The following MOSMO variants were observed in gnomAD, a reference collection of about 807,000 sequenced individuals.
MOSMO encodes the protein modulator of smoothened protein.
In MOSMO, 5 loss-of-function variants were observed where a neutral mutation model predicts 18.4. The observed-to-expected ratio is 0.27, with a 90% CI of 0.14 to 0.57. MOSMO has a LOEUF of 0.57. MOSMO is among the 20% of genes least tolerant of loss of function. The probability of loss-of-function intolerance (pLI) is 0.92; values close to 1 mark genes in which losing one functional copy is unlikely to be tolerated. For missense variants in MOSMO, 138 were observed against 211.8 expected, an observed-to-expected ratio of 0.65 and a Z score of 2.16; for synonymous variants, 82 against 82.3, an observed-to-expected ratio of 1.00 and a Z score of 0.02.
At chr16:22,092,021 G>T (rs1901344302), downstream of MOSMO, among the ~76,000 whole-genome samples, 1 of 152,192 alleles carries the variant, frequency 6.6e-6, no homozygotes, top group South Asian at 2.1e-4. Context: ...TGATTCTCAT[G>T]GGCATCCGGG....
At chr16:22,058,904 A>C (rs906810865) in intron 1 of MOSMO, among the ~76,000 whole-genome samples, 1 of 152,220 alleles carries the variant, frequency 6.6e-6, no homozygotes, top group Non-Finnish European at 1.5e-5. Context: ...CCTAGGAAGA[A>C]TATGGAGTGA....
intron 2 of MOSMO, among the ~76,000 whole-genome samples, chr16:22,079,680 T>C (rs1373852735): frequency 6.6e-6 from 1 of 152,254 alleles, no homozygotes; most frequent in Non-Finnish European, 1.5e-5. Flanking sequence ...GACAGAGATT[T>C]TATTTTTTGG....
chr16:22,081,039 T>A lies in MOSMO; in HGVS notation c.*159T>A. On this transcript the variant is annotated 3_prime_UTR_variant, in exon 3 of 3. Coordinates refer to ENST00000542527, the MANE Select transcript of MOSMO (RefSeq NM_001164579.2). ...GAGAAGGAAAAAAAAATGCTTTGGT[T>A]TGTTCTCACTATGCACTTTGGATTT... The A allele has an allele frequency of 2.8e-6, 1 of 355,652 alleles. No homozygotes were observed. Among genetic ancestry groups the A allele is most frequent in the Non-Finnish European group, 4.9e-6 (1 of 202,292 alleles). The allele number at this position is 355,652 out of a possible 1,614,324, so 22.0% of individuals were successfully genotyped here.
chr16:22,011,934 A>G (rs1225017760), intron 1 of MOSMO, among the ~76,000 whole-genome samples: 1 of 146,912 alleles, frequency 6.8e-6, no homozygotes, highest in African/African-American at 2.5e-5. Flanking sequence ...TCCTGAGTTA[A>G]AAAAAAAAAA....
At chr16:22,087,691 AAGC>A (rs1901212553), downstream of MOSMO, among the ~76,000 whole-genome samples, 1 of 152,210 alleles carries the variant, frequency 6.6e-6, no homozygotes, top group South Asian at 2.1e-4. Context: ...GATAGGTAGT[AAGC>A]AGCAAAATGA....
intron 1 of MOSMO, among the ~76,000 whole-genome samples, chr16:22,038,276 C>T (rs542585349): frequency 6.6e-6 from 1 of 152,228 alleles, no homozygotes; most frequent in East Asian, 1.9e-4. Context: ...AAAGTAGGAG[C>T]CTCATTCACA....
chr16:22,081,174 G>A lies in MOSMO; in HGVS notation c.*294G>A, dbSNP rs1901072847. 5.9e-6 allele frequency: 1 copy of A among 170,408 alleles called. No homozygotes were observed. Among genetic ancestry groups the A allele is most frequent in the Admixed American group, 6.3e-5 (1 of 15,930 alleles). 10.6% of individuals were successfully genotyped at this position (170,408 alleles called of 1,614,324 possible). ...AGGTCTGCACTGTGATAGCAACCTA[G>A]AGAAGGAGAATGCTTTATACCGAAA... is the stretch of plus-strand genomic sequence containing the variant. On this transcript the variant is annotated 3_prime_UTR_variant, in exon 3 of 3. Transcript: ENST00000542527.
At chr16:22,043,753 A>C (rs76660539) in intron 1 of MOSMO, among the ~76,000 whole-genome samples, 11,718 of 152,256 alleles carry the variant, frequency 0.077, 633 homozygotes, top group South Asian at 0.25. Flanking sequence ...GTATACCAGC[A>C]GTTGAATTTA....
downstream of MOSMO, chr16:22,085,236 T>C (rs1311901138): frequency 6.6e-6 from 1 of 152,202 alleles, no homozygotes; most frequent in African/African-American, 2.4e-5. Context: ...TTGTGTGGCC[T>C]TTTGAGGAGC....
intron 1 of MOSMO, among the ~76,000 whole-genome samples, chr16:22,011,855 A>G (rs1305891282): frequency 3.4e-5 from 5 of 148,796 alleles, no homozygotes; most frequent in Non-Finnish European, 5.9e-5. Context: ...ATGGGACAGT[A>G]TGTTCCTTGG....
At chr16:22,015,275 G>A (rs1597994504) in intron 1 of MOSMO, among the ~76,000 whole-genome samples, 1 of 151,974 alleles carries the variant, frequency 6.6e-6, no homozygotes, top group East Asian at 1.9e-4. Flanking sequence ...TTAAGAGACA[G>A]GCTCTTGCTG....
chr16:22,092,483 T>A, downstream of MOSMO: 1 of 867,470 alleles, frequency 1.2e-6, no homozygotes, highest in Non-Finnish European at 1.7e-6. Context: ...GCTGCAGTGG[T>A]GCAGTCTGTT....
At chr16:22,024,222 T>G (rs1412216479) in intron 1 of MOSMO, among the ~76,000 whole-genome samples, 1 of 151,996 alleles carries the variant, frequency 6.6e-6, no homozygotes, top group Non-Finnish European at 1.5e-5. Flanking sequence ...GAGAATAAAT[T>G]GACTCACTTT....
chr16:22,062,114 T>C (rs1388907298), intron 1 of MOSMO, among the ~76,000 whole-genome samples: 1 of 152,156 alleles, frequency 6.6e-6, no homozygotes, highest in Non-Finnish European at 1.5e-5. Context: ...GGCTCTAAAC[T>C]TTTACAGTTC....
chr16:22,072,409 A>G (rs1392540845), intron 1 of MOSMO, among the ~76,000 whole-genome samples: 1 of 152,214 alleles, frequency 6.6e-6, no homozygotes, highest in Non-Finnish European at 1.5e-5. Flanking sequence ...CACTGTTTGC[A>G]TTAGCCCTTG....
chr16:22,049,238 TAGC>T (rs1484962803), intron 1 of MOSMO, among the ~76,000 whole-genome samples: 1 of 152,208 alleles, frequency 6.6e-6, no homozygotes, highest in Admixed American at 6.5e-5. Context: ...TCTCATTCTG[TAGC>T]CCAGGCTGAA....
At chr16:22,040,460 T>A (rs910414202) in intron 1 of MOSMO, among the ~76,000 whole-genome samples, 1 of 152,202 alleles carries the variant, frequency 6.6e-6, no homozygotes, top group Non-Finnish European at 1.5e-5. Context: ...TTAGAGGGCA[T>A]AATAAGAAGC....
chr16:22,056,663 C>T (rs1032162602), intron 1 of MOSMO, among the ~76,000 whole-genome samples: 2 of 151,916 alleles, frequency 1.3e-5, no homozygotes, highest in Admixed American at 6.6e-5. Flanking sequence ...GGATTACAGG[C>T]ATGAGCCACT....
downstream of MOSMO, chr16:22,089,989 G>A (rs929337450): frequency 6.6e-6 from 1 of 151,980 alleles, no homozygotes; most frequent in Non-Finnish European, 1.5e-5. Flanking sequence ...AAAAAAAAAG[G>A]CTCTTTCTTT....
Sources: gnomAD v4.1 joint callset for allele counts (sites outside exome capture counted in the v4.1 genomes callset) on GRCh38, gnomAD v4.1.1 for gene constraint, MANE v1.5 for transcripts, NCBI Gene and HGNC (gene_info 2026-07-23, HGNC 2026-07-21) for gene names.